DST: variants seen among roughly 807,000 people sequenced by gnomAD.
DST encodes dystonin.
DST carries 253 observed loss-of-function variants against 875.2 expected under a neutral mutation model. The ratio of observed to expected loss-of-function variants is 0.29; its 90% confidence interval spans 0.26 to 0.32. The LOEUF (loss-of-function observed/expected upper bound fraction) is 0.32. Among genes scored for constraint, DST ranks in the 10% least tolerant of loss-of-function variants. DST has a pLI of 1.00. For synonymous variants in DST, 3,124 were observed against 3,197.1 expected (o/e 0.98, Z 0.77); for missense variants, 8,287 against 9,111.6 (o/e 0.91, Z 3.68).
Position 56,458,010 on chromosome 6 carries a change from T to C in DST, c.*995A>G, listed in dbSNP as rs941412574. Reference sequence around the variant, plus strand: ...TATTCCATATATTCAAGTGAATATGTTTTATTAAATGCATACTAATATCTT... The same window carrying C: ...TATTCCATATATTCAAGTGAATATGCTTTATTAAATGCATACTAATATCTT... On this transcript the variant is annotated 3_prime_UTR_variant, in exon 104 of 104. Transcript: ENST00000680361. 3.9e-5 allele frequency: 6 copies of C among 152,522 alleles called. No homozygotes were observed. Among genetic ancestry groups the C allele is most frequent in the Non-Finnish European group, 8.8e-5 (6 of 68,008 alleles). 9.4% of individuals were successfully genotyped at this position (152,522 alleles called of 1,614,324 possible).
intron 2 of DST, among the ~76,000 whole-genome samples, chr6:56,946,950 C>A (rs1306281977): frequency 6.6e-6 from 1 of 152,138 alleles, no homozygotes; most frequent in Non-Finnish European, 1.5e-5. Flanking sequence ...TATTATACTT[C>A]ATATTAAAAT....
At chr6:56,609,458 T>C in intron 39 of DST, 114 bp from the exon 40 acceptor site, 1 of 766,336 alleles carries the variant, frequency 1.3e-6, no homozygotes, top group South Asian at 1.8e-5. Flanking sequence ...AAAAATCCTC[T>C]ACTTACCAAG....
chr6:56,491,272 G>A (rs1280136408), intron 85 of DST, among the ~76,000 whole-genome samples: 1 of 152,074 alleles, frequency 6.6e-6, no homozygotes, highest in Admixed American at 6.6e-5. Flanking sequence ...CCTGACTCCC[G>A]TGACATCTTT....
intron 98 of DST, 27 bp from the exon 99 acceptor site, chr6:56,466,222 CT>C: frequency 6.8e-7 from 1 of 1,464,266 alleles, no homozygotes; most frequent in Non-Finnish European, 9.2e-7. Context: ...GAAAGAACCT[CT>C]AGTTGTCAAT....
intron 61 of DST, among the ~76,000 whole-genome samples, chr6:56,542,038 C>A (rs1407289456): frequency 6.6e-6 from 1 of 152,200 alleles, no homozygotes; most frequent in African/African-American, 2.4e-5. Context: ...TTCGGCAGAG[C>A]TCTGGTTAAC....
intron 37 of DST, 71 bp downstream of exon 37, chr6:56,614,285 G>T: frequency 7.2e-7 from 1 of 1,380,044 alleles, no homozygotes; most frequent in South Asian, 1.6e-5. Flanking sequence ...CATTGTGCTA[G>T]GTAAACTGTG....
chr6:56,485,934 C>T (rs1044005846), intron 87 of DST, among the ~76,000 whole-genome samples: 1 of 152,142 alleles, frequency 6.6e-6, no homozygotes, highest in African/African-American at 2.4e-5. Flanking sequence ...ACGCCCTGCC[C>T]CCGCCTTCAA....
At chr6:56,922,293 C>A (rs1035924203) in intron 2 of DST, among the ~76,000 whole-genome samples, 7 of 152,308 alleles carry the variant, frequency 4.6e-5, no homozygotes, top group African/African-American at 1.7e-4. Flanking sequence ...GGAGCTGCAG[C>A]CGCCCTTCGT....
In DST at chr6:56,606,294, A is replaced by G. The variant is rs769425808; in HGVS notation, c.8334T>C (p.Phe2778=). 4 of 1,598,798 alleles carry G rather than the reference A, an allele frequency of 2.5e-6. No individual in the cohort carries two copies. In the South Asian group the frequency reaches 4.5e-5, roughly 18 times the overall value. ...AATCTAAATGATCAGTATCGGAGTG[A>G]AATTCCTGTCCAGTTACATACTCTT... The part of the protein sequence containing the change: ...RKEEYVTGQE[F]HSDTDHLDSM... Residue 2778 remains phenylalanine, a synonymous_variant, in exon 40 of 104, where the codon TTT becomes TTC. Transcript: ENST00000680361.
At chr6:56,768,605 A>C (rs937434366) in intron 4 of DST, among the ~76,000 whole-genome samples, 5 of 152,230 alleles carry the variant, frequency 3.3e-5, no homozygotes, top group African/African-American at 1.2e-4. Context: ...AAGATAACAT[A>C]AAAGAAAATC....
chr6:56,474,960 C>CA (rs386407168), intron 92 of DST, among the ~76,000 whole-genome samples: 1,240 of 31,280 alleles, frequency 0.04, 291 homozygotes, highest in East Asian at 0.21. Flanking sequence ...CCCTGCCTCT[C>CA]AAAAAAAAAA....
intron 3 of DST, among the ~76,000 whole-genome samples, chr6:56,898,867 C>A (rs1331548314): frequency 6.6e-6 from 1 of 152,202 alleles, no homozygotes; most frequent in African/African-American, 2.4e-5. Flanking sequence ...AACTCTAGAA[C>A]AGTACTTTCA....
chr6:56,703,534 C>T, intron 7 of DST, 114 bp downstream of exon 7: 1 of 235,920 alleles, frequency 4.2e-6, no homozygotes, highest in Non-Finnish European at 6.9e-6. Flanking sequence ...TGGGTTTTGG[C>T]CCTTTCTATG....
intron 78 of DST, among the ~76,000 whole-genome samples, chr6:56,502,102 C>T (rs1271306949): frequency 2.0e-5 from 3 of 152,074 alleles, no homozygotes; most frequent in Non-Finnish European, 4.4e-5. Flanking sequence ...GTATTTCCTG[C>T]TCTGAAACAC....
intron 9 of DST, among the ~76,000 whole-genome samples, chr6:56,697,364 T>C (rs1256587621): frequency 6.6e-6 from 1 of 152,156 alleles, no homozygotes; most frequent in Non-Finnish European, 1.5e-5. Flanking sequence ...TTCTATCTAT[T>C]TTAATGGATG....
intron 9 of DST, among the ~76,000 whole-genome samples, chr6:56,691,357 G>T (rs1318058987): frequency 2.6e-5 from 4 of 152,106 alleles, no homozygotes; most frequent in Non-Finnish European, 5.9e-5. Flanking sequence ...TATTGGCAAG[G>T]TGTAGCGGTG....
intron 78 of DST, among the ~76,000 whole-genome samples, chr6:56,503,426 G>A (rs146237032): frequency 0.012 from 1,826 of 151,772 alleles, 31 homozygotes; most frequent in African/African-American, 0.041. Context: ...ATGTACCCAC[G>A]AAAATTAAAA....
At chr6:56,832,075 T>C (rs967130991) in intron 4 of DST, among the ~76,000 whole-genome samples, 3 of 152,218 alleles carry the variant, frequency 2.0e-5, no homozygotes, top group Admixed American at 2.0e-4. Flanking sequence ...AAAGCATCCT[T>C]GCATCTTGCT....
chr6:56,621,928 G>A (rs2098693576), intron 36 of DST, among the ~76,000 whole-genome samples: 1 of 152,080 alleles, frequency 6.6e-6, no homozygotes, highest in South Asian at 2.1e-4. Context: ...ATTTTGATGA[G>A]AATTTCAGTT....
Sources: gnomAD v4.1 joint callset for allele counts (sites outside exome capture counted in the v4.1 genomes callset) on GRCh38, gnomAD v4.1.1 for gene constraint, MANE v1.5 for transcripts, NCBI Gene and HGNC (gene_info 2026-07-23, HGNC 2026-07-21) for gene names.